NIBAN3: variants seen among roughly 807,000 people sequenced by gnomAD.
NIBAN3 encodes the protein niban apoptosis regulator 3, also known as protein Niban 3.
In NIBAN3, 66 loss-of-function variants were observed where a neutral mutation model predicts 76.4. That is an observed-to-expected ratio of 0.86 (90% CI 0.71 to 1.06). NIBAN3 has a LOEUF of 1.06. Ranked by LOEUF, NIBAN3 falls within the 50% of genes least tolerant of loss-of-function variation. The pLI, the probability that NIBAN3 is intolerant of heterozygous loss-of-function variation, is 0.00. For synonymous variants in NIBAN3, 360 were observed against 355.2 expected, an observed-to-expected ratio of 1.01 and a Z score of -0.15; for missense variants, 808 against 810.7, an observed-to-expected ratio of 1.00 and a Z score of 0.04.
chr19:17,541,542 G>A (rs916885492), intron 9 of NIBAN3, among the ~76,000 whole-genome samples: 7 of 152,126 alleles, frequency 4.6e-5, no homozygotes, highest in African/African-American at 1.7e-4. Context: ...ACAGATCTGG[G>A]CCAGGAAATG....
intron 1 of NIBAN3, among the ~76,000 whole-genome samples, chr19:17,530,140 C>T (rs1244265971): frequency 2.0e-5 from 3 of 151,770 alleles, no homozygotes; most frequent in East Asian, 1.9e-4. Flanking sequence ...GGCGAAACCT[C>T]GTCTCTACTA....
At chr19:17,543,825 T>C in intron 12 of NIBAN3, 194 bp downstream of exon 12, 1 of 423,610 alleles carries the variant, frequency 2.4e-6, no homozygotes, top group Non-Finnish European at 4.2e-6. Context: ...ACCCTGTCTC[T>C]ACTAAAAATA....
intron 14 of NIBAN3, among the ~76,000 whole-genome samples, 177 bp from the exon 15 acceptor site, chr19:17,551,609 T>C (rs2076158185): frequency 1.3e-5 from 2 of 152,154 alleles, no homozygotes; most frequent in Admixed American, 1.3e-4. Flanking sequence ...GGTTTCACCA[T>C]GTTGGCCAAG....
At chr19:17,524,177 C>A (rs2075583425), upstream of NIBAN3, among the ~76,000 whole-genome samples, 1 of 151,848 alleles carries the variant, frequency 6.6e-6, no homozygotes, top group Non-Finnish European at 1.5e-5. Flanking sequence ...AGGCATGAAC[C>A]ACTGCGCCCA....
intron 11 of NIBAN3, 41 bp from the exon 12 acceptor site, chr19:17,543,483 C>A (rs1599745459): frequency 1.2e-6 from 2 of 1,611,572 alleles, no homozygotes; most frequent in Non-Finnish European, 1.7e-6. Context: ...GGCCTGGGTG[C>A]TCAGATGGTT....
chr19:17,545,630 C>A, intron 12 of NIBAN3: 1 of 161,728 alleles, frequency 6.2e-6, no homozygotes. Context: ...GGGGCCCCTC[C>A]CTGCCTGGCA....
upstream of NIBAN3, among the ~76,000 whole-genome samples, chr19:17,524,060 G>A (rs560952212): frequency 6.6e-6 from 1 of 151,994 alleles, no homozygotes; most frequent in East Asian, 1.9e-4. Flanking sequence ...AGCTAATTTT[G>A]GTATTTTTAG....
intron 14 of NIBAN3, chr19:17,549,806 A>C: frequency 8.0e-6 from 3 of 373,248 alleles, no homozygotes; most frequent in East Asian, 7.4e-5. Flanking sequence ...TTTGTGTCCC[A>C]TCTCTCTCTC....
At position 17,552,950 on chromosome 19, in the gene NIBAN3, AAAT is replaced by A. The variant is rs2076178729; in HGVS notation, c.*1055_*1057del. ...TAAATAAATAAATAAATAAATAAATAAATAAAATTTAAAAGAAGCTGGGCTGAG... is the reference window on the plus strand; with the variant it reads ...TAAATAAATAAATAAATAAATAAATAAAAATTTAAAAGAAGCTGGGCTGAG... On this transcript the variant is annotated 3_prime_UTR_variant, in exon 15 of 15. Transcript: ENST00000599164. 1.4e-5 allele frequency: 2 copies of A among 145,650 alleles called. No individual in the cohort carries two copies. The highest frequency in any genetic ancestry group is 2.7e-5 in the African/African-American group (1 of 36,516). The allele number at this position is 145,650 out of a possible 1,614,324, so 9.0% of individuals were successfully genotyped here. A position where few individuals can be genotyped will look rare whatever the true frequency, so the allele number is the denominator to read the frequency against.
chr19:17,553,641 TA>T, downstream of NIBAN3: 1 of 1,225,550 alleles, frequency 8.2e-7, no homozygotes, highest in South Asian at 1.3e-5. Context: ...TTGCACTTCA[TA>T]GGCTTCTTTA....
At position 17,542,206 on chromosome 19, in the gene NIBAN3, G is replaced by A; in HGVS notation, c.1241G>A (p.Ser414Asn). ...ACATGCTACCGTGAGGCCGAGCGGAGCCGGGGGCGCTTGGGGCAGCTGGCA... is the reference window on the plus strand; with the variant it reads ...ACATGCTACCGTGAGGCCGAGCGGAACCGGGGGCGCTTGGGGCAGCTGGCA... The part of the protein sequence containing the change: ...MQTCYREAER[S>N]RGRLGQLAAP... Residue 414 changes from serine (S) to asparagine (N), a missense_variant, in exon 10 of 15, where the codon AGC becomes AAC. Physicochemically the swap from Ser to Asn is conservative, Grantham distance 46. Transcript: ENST00000599164. The surrounding 1 kb of genome is among the most constrained non-coding windows in gnomAD (Gnocchi z 4.8). The A allele has an allele frequency of 1.2e-6, 2 of 1,614,192 alleles. No individual in the cohort carries two copies. Among genetic ancestry groups the A allele is most frequent in the Non-Finnish European group, 1.7e-6 (2 of 1,180,052 alleles).
intron 5 of NIBAN3, 127 bp from the exon 6 acceptor site, chr19:17,539,023 T>C: frequency 2.7e-6 from 2 of 744,108 alleles, no homozygotes; most frequent in South Asian, 3.6e-5. Context: ...GCATTGCCTA[T>C]GCAAAGTTCC....
chr19:17,551,974 C>T lies in NIBAN3; in HGVS notation c.*76C>T. 1 of 672,160 alleles carries T rather than the reference C, an allele frequency of 1.5e-6. No homozygotes were observed. Among genetic ancestry groups the T allele is most frequent in the Non-Finnish European group, 2.8e-6 (1 of 352,158 alleles). 41.6% of individuals were successfully genotyped at this position (672,160 alleles called of 1,614,324 possible). A position where few individuals can be genotyped will look rare whatever the true frequency, so the allele number is the denominator to read the frequency against. The stretch of plus-strand genomic sequence containing the variant: ...AATTTCTGGGCCAAAACGGATGTGC[C>T]ATCTTTAGGCTTTTGTAACCCCTGC... On this transcript the variant is annotated 3_prime_UTR_variant, in exon 15 of 15. Transcript: ENST00000599164.
downstream of NIBAN3, among the ~76,000 whole-genome samples, chr19:17,554,792 AAAG>A (rs2076199428): frequency 6.3e-5 from 5 of 79,720 alleles, no homozygotes; most frequent in African/African-American, 2.3e-4. Context: ...AAAAAAAAAA[AAAG>A]AAAATAATAA....
chr19:17,551,392 G>A (rs920298212), intron 14 of NIBAN3, among the ~76,000 whole-genome samples: 32 of 151,486 alleles, frequency 2.1e-4, no homozygotes, highest in Middle Eastern at 3.4e-3. Flanking sequence ...ACTGCACCCG[G>A]CCTACATTTC....
chr19:17,534,507 G>A (rs948907727), intron 4 of NIBAN3, among the ~76,000 whole-genome samples: 2 of 151,252 alleles, frequency 1.3e-5, no homozygotes, highest in African/African-American at 4.9e-5. Flanking sequence ...AATACAAAAG[G>A]TAGGCCGGGC....
At chr19:17,533,915 C>T (rs1038868305) in intron 4 of NIBAN3, among the ~76,000 whole-genome samples, 1 of 152,152 alleles carries the variant, frequency 6.6e-6, no homozygotes, top group South Asian at 2.1e-4. Context: ...CCGGGGGCAG[C>T]GTTGCTACGG....
chr19:17,523,318 A>T, upstream of NIBAN3: 1 of 884,822 alleles, frequency 1.1e-6, no homozygotes. Context: ...AGGAGATGGG[A>T]ATTGAAACCT....
chr19:17,533,794 T>G, intron 4 of NIBAN3, 93 bp downstream of exon 4: 1 of 931,376 alleles, frequency 1.1e-6, no homozygotes, highest in East Asian at 2.5e-5. Flanking sequence ...GGGCGTCCCG[T>G]GTACAGCAGG....
Sources: allele counts gnomAD v4.1 joint callset (sites outside exome capture counted in the v4.1 genomes callset), GRCh38; gene constraint gnomAD v4.1.1; non-coding constraint Gnocchi (gnomAD v3.1); transcripts MANE v1.5; gene names NCBI Gene and HGNC (gene_info 2026-07-23, HGNC 2026-07-21).